Variants in ZNF81 observed in about 807,000 individuals in gnomAD.
The protein encoded by ZNF81 is zinc finger protein 81.
A neutral mutation model predicts 32.3 loss-of-function variants in ZNF81; 5 were observed. That is an observed-to-expected ratio of 0.15 (90% CI 0.08 to 0.33). The LOEUF is 0.33. Ranked by LOEUF, ZNF81 falls within the 10% of genes least tolerant of loss-of-function variation. The pLI, the probability that ZNF81 is intolerant of heterozygous loss-of-function variation, is 1.00. For missense variants in ZNF81, 379 were observed against 479.8 expected (o/e 0.79, Z 1.96); for synonymous variants, 163 against 166.8 (o/e 0.98, Z 0.17).
chrX:47,912,650 C>T (rs1288236982), intron 4 of ZNF81, among the ~76,000 whole-genome samples: 2 of 109,434 alleles, frequency 1.8e-5, no homozygotes, highest in African/African-American at 6.7e-5. Flanking sequence ...CTCCTTCCAA[C>T]ACACATTACT....
At chrX:47,840,195 C>T (rs2058441793) in intron 1 of ZNF81, among the ~76,000 whole-genome samples, 2 of 96,240 alleles carry the variant, frequency 2.1e-5, no homozygotes, top group Non-Finnish European at 4.1e-5. Context: ...ATGTGTATTT[C>T]GAGTCTTTTT....
At chrX:47,890,819 C>G (rs1320549335) in intron 3 of ZNF81, among the ~76,000 whole-genome samples, 1 of 112,217 alleles carries the variant, frequency 8.9e-6, no homozygotes, top group Non-Finnish European at 1.9e-5. Context: ...GGGCCAGATA[C>G]AACAATTTTT....
chrX:47,863,109 G>A (rs1266235874), intron 2 of ZNF81, among the ~76,000 whole-genome samples: 2 of 111,530 alleles, frequency 1.8e-5, no homozygotes, highest in South Asian at 7.5e-4. Flanking sequence ...TAAGCCACGT[G>A]GGGGAGAGGG....
intron 3 of ZNF81, among the ~76,000 whole-genome samples, chrX:47,892,795 A>G (rs2058667053): frequency 8.9e-6 from 1 of 112,767 alleles, no homozygotes; most frequent in Non-Finnish European, 1.9e-5. Flanking sequence ...TGGTGTACAC[A>G]CATCCTCATG....
intron 4 of ZNF81, among the ~76,000 whole-genome samples, chrX:47,909,253 A>T (rs2058730961): frequency 8.9e-6 from 1 of 112,074 alleles, no homozygotes; most frequent in Admixed American, 9.4e-5. Flanking sequence ...CATCGTTCAG[A>T]TTTCTTATCT....
chrX:47,896,435 C>T (rs1209514666), intron 4 of ZNF81, among the ~76,000 whole-genome samples: 1 of 111,420 alleles, frequency 9.0e-6, no homozygotes, highest in Non-Finnish European at 1.9e-5. Context: ...AACAAACTCT[C>T]ATCTACAACC....
At chrX:47,911,863 C>G (rs1422639977) in intron 4 of ZNF81, among the ~76,000 whole-genome samples, 2 of 110,728 alleles carry the variant, frequency 1.8e-5, no homozygotes, top group Non-Finnish European at 3.8e-5. Flanking sequence ...GCACACATAC[C>G]TTTTTTAATG....
At chrX:47,891,888 A>T (rs1569386969) in intron 3 of ZNF81, among the ~76,000 whole-genome samples, 1 of 111,840 alleles carries the variant, frequency 8.9e-6, no homozygotes, top group Non-Finnish European at 1.9e-5. Context: ...GAAAGATTTC[A>T]TAGTATAAGT....
chrX:47,922,909 CT>C lies in ZNF81; in HGVS notation c.*6278del, dbSNP rs2058781556. Reference sequence around the variant, plus strand: ...TATTTGGCTTATAGATGCATTATTCCTGTCAGATGGCTGTTTTCTCCCTGTG... The same window carrying C: ...TATTTGGCTTATAGATGCATTATTCCGTCAGATGGCTGTTTTCTCCCTGTG... On this transcript the variant is annotated 3_prime_UTR_variant, in exon 5 of 5. Coordinates refer to ENST00000338637, the MANE Select transcript of ZNF81 (RefSeq NM_007137.5). 9.0e-6 allele frequency among the ~76,000 whole-genome samples: 1 copy of C among 111,229 alleles called. No individual in the cohort carries two copies. Among genetic ancestry groups the C allele is most frequent in the Admixed American group, 9.6e-5 (1 of 10,448 alleles).
chrX:47,875,201 C>T (rs1239780822), intron 2 of ZNF81, among the ~76,000 whole-genome samples: 1 of 111,880 alleles, frequency 8.9e-6, no homozygotes, highest in African/African-American at 3.3e-5. Flanking sequence ...TTTCATTCTC[C>T]CATTTGCTCT....
chrX:47,923,897 T>C lies in ZNF81; in HGVS notation c.*7265T>C, dbSNP rs1207980572. Among the ~76,000 whole-genome samples, 6 of 111,609 alleles carry C rather than the reference T, an allele frequency of 5.4e-5. No homozygotes were observed. The highest frequency in any genetic ancestry group is 2.0e-4 in the African/African-American group (6 of 30,659). On this transcript the variant is annotated 3_prime_UTR_variant, in exon 5 of 5. Coordinates refer to ENST00000338637, the MANE Select transcript of ZNF81 (RefSeq NM_007137.5). ...CCAGTTTTTCCTATCTTCCACTCTATATCCAGCCCTTCTTTCCATCTTCCA... is the reference window on the plus strand; with the variant it reads ...CCAGTTTTTCCTATCTTCCACTCTACATCCAGCCCTTCTTTCCATCTTCCA...
intron 4 of ZNF81, among the ~76,000 whole-genome samples, chrX:47,904,780 A>C (rs1339296611): frequency 1.1e-4 from 12 of 112,098 alleles, no homozygotes; most frequent in Admixed American, 9.4e-5. Flanking sequence ...TTATTGCAGC[A>C]CTATTCACAA....
chrX:47,918,317 T>A lies in ZNF81; in HGVS notation c.*1685T>A, dbSNP rs1049155082. 1.3e-4 allele frequency: 14 copies of A among 111,547 alleles called. No individual in the cohort carries two copies. The highest frequency in any genetic ancestry group is 4.6e-4 in the African/African-American group (14 of 30,684). 9.2% of individuals were successfully genotyped at this position (111,547 alleles called of 1,213,427 possible). On this transcript the variant is annotated 3_prime_UTR_variant, in exon 5 of 5. Coordinates refer to ENST00000338637, the MANE Select transcript of ZNF81 (RefSeq NM_007137.5). ...CAGGGTAAAGATCAAATCATGGTTGTGTCTGTAAGACTCTTTATTACAGTG... is the reference window on the plus strand; with the variant it reads ...CAGGGTAAAGATCAAATCATGGTTGAGTCTGTAAGACTCTTTATTACAGTG...
intron 1 of ZNF81, among the ~76,000 whole-genome samples, chrX:47,837,203 C>A (rs782413396): frequency 9.0e-6 from 1 of 110,852 alleles, no homozygotes; most frequent in African/African-American, 3.3e-5. Context: ...TGTCTTTTAC[C>A]CGGGAGTTAT....
rs151004407 is a variant in ZNF81 at position 47,878,767 on chromosome X, G to A, written c.55-9232G>A. On this transcript the variant is annotated intron_variant, in intron 2 of 4. Coordinates refer to ENST00000338637, the MANE Select transcript of ZNF81 (RefSeq NM_007137.5). ...CATATATTAGTTTTCTATCACTGCT[G>A]TAACAAATTGCCACGAACTTGGTGG... 5.3e-5 allele frequency among the ~76,000 whole-genome samples: 6 copies of A among 112,454 alleles called. No individual in the cohort carries two copies. In the East Asian group the frequency reaches 1.7e-3, roughly 31 times the overall value.
At chrX:47,862,894 A>C (rs1248481973) in intron 2 of ZNF81, among the ~76,000 whole-genome samples, 2 of 111,626 alleles carry the variant, frequency 1.8e-5, no homozygotes, top group African/African-American at 6.5e-5. Context: ...TCAGCTGAAC[A>C]GGGAAATGTT....
At chrX:47,841,061 G>A in intron 1 of ZNF81, 1 of 865,598 alleles carries the variant, frequency 1.2e-6, no homozygotes, top group East Asian at 3.1e-5. Flanking sequence ...GTAGCATGAC[G>A]GGCCACTGAC....
chrX:47,857,180 C>G (rs2058520857), intron 2 of ZNF81, among the ~76,000 whole-genome samples: 1 of 111,427 alleles, frequency 9.0e-6, no homozygotes, highest in Non-Finnish European at 1.9e-5. Flanking sequence ...TATCCTTAAA[C>G]TATGTAAAAT....
At chrX:47,850,945 C>T (rs1556881161) in intron 2 of ZNF81, among the ~76,000 whole-genome samples, 2 of 100,517 alleles carry the variant, frequency 2.0e-5, no homozygotes, top group African/African-American at 3.6e-5. Context: ...AACCCAACAC[C>T]CCTATATCCA....
Sources: allele counts gnomAD v4.1 joint callset (sites outside exome capture counted in the v4.1 genomes callset), GRCh38; gene constraint gnomAD v4.1.1; transcripts MANE v1.5; gene names NCBI Gene and HGNC (gene_info 2026-07-23, HGNC 2026-07-21).